Variants in SMARCD3 observed in about 807,000 individuals in gnomAD.
SMARCD3 encodes the protein SWI/SNF-related matrix-associated actin-dependent regulator of chromatin subfamily D member 3.
In SMARCD3, 14 loss-of-function variants were observed where a neutral mutation model predicts 58.0. The ratio of observed to expected loss-of-function variants is 0.24; its 90% confidence interval spans 0.16 to 0.38. The LOEUF is 0.38. Among genes scored for constraint, SMARCD3 ranks in the 10% least tolerant of loss-of-function variants. The pLI is 1.00. For synonymous variants in SMARCD3, 253 were observed against 253.8 expected (o/e 1.00, Z 0.03); for missense variants, 408 against 636.9 (o/e 0.64, Z 3.87).
Position 151,239,863 on chromosome 7 carries a change from C to A in SMARCD3, c.1174-117G>T. On this transcript the variant is annotated intron_variant, in intron 10 of 12. Transcript: ENST00000262188. The surrounding 1 kb of genome is among the most constrained non-coding windows in gnomAD (Gnocchi z 7.0). ...GTTTCTTCTGTGAAGGACAACCCCT[C>A]AGAGCCCCTGATTTCTCTGAAGTCC... 1 of 1,154,188 alleles carries A rather than the reference C, an allele frequency of 8.7e-7. No homozygotes were observed. The highest frequency in any genetic ancestry group is 1.2e-6 in the Non-Finnish European group (1 of 805,666). 71.5% of individuals were successfully genotyped at this position (1,154,188 alleles called of 1,614,324 possible).
Position 151,263,753 on chromosome 7 carries a change from G to A in SMARCD3, c.39+11361C>T, listed in dbSNP as rs553237772. On this transcript the variant is annotated intron_variant, in intron 2 of 13. Coordinates refer to the SMARCD3 transcript ENST00000356800. ...GCACCATCTTTCTTCTGCACTGATC[G>A]TCCCATTTCTCCATTCTGTCTCTCT... 7.2e-5 allele frequency among the ~76,000 whole-genome samples: 11 copies of A among 152,222 alleles called. No homozygotes were observed. In the South Asian group the frequency reaches 1.2e-3, roughly 17 times the overall value.
In SMARCD3 at chr7:151,239,586, G is replaced by T; in HGVS notation, c.1296+38C>A. On this transcript the variant is annotated intron_variant, in intron 11 of 12. Transcript: ENST00000262188. The surrounding 1 kb of genome is among the most constrained non-coding windows in gnomAD (Gnocchi z 7.0). ...GTTTACTCTCTTTCCCGCTGTGCTT[G>T]TCTTCCACTCCAGTACTCCCTGAGT... 1 of 1,613,720 alleles carries T rather than the reference G, an allele frequency of 6.2e-7. No homozygotes were observed. The highest frequency in any genetic ancestry group is 8.5e-7 in the Non-Finnish European group (1 of 1,179,714).
rs1870238 is a variant in SMARCD3, at chr7:151,238,966, C to T, written c.*137G>A. ...CCCTCCCCAGTTTCCAATGACCACA[C>T]GGCTGCTGTCAGATGAATGACTTTT... On this transcript the variant is annotated 3_prime_UTR_variant, in exon 13 of 13. Coordinates refer to ENST00000262188, the MANE Select transcript of SMARCD3 (RefSeq NM_001003801.2). The T allele has an allele frequency of 2.1e-5, 22 of 1,059,572 alleles. No individual in the cohort carries two copies. The highest frequency in any genetic ancestry group is 9.4e-5 in the South Asian group (7 of 74,402). The allele number at this position is 1,059,572 out of a possible 1,614,324, so 65.6% of individuals were successfully genotyped here.
upstream of SMARCD3, among the ~76,000 whole-genome samples, chr7:151,251,242 C>T (rs947098534): frequency 6.6e-6 from 1 of 152,084 alleles, no homozygotes; most frequent in Non-Finnish European, 1.5e-5. Context: ...CATAAGCGCT[C>T]TCCTGAGCCA....
At chr7:151,261,748 G>T (rs1179198486) in intron 2 of SMARCD3, among the ~76,000 whole-genome samples, 1 of 152,250 alleles carries the variant, frequency 6.6e-6, no homozygotes, top group Non-Finnish European at 1.5e-5. Flanking sequence ...GTGGGGCGCA[G>T]TGGAACCAGG....
chr7:151,272,125 T>C (rs1480458925), intron 2 of SMARCD3, among the ~76,000 whole-genome samples: 1 of 152,190 alleles, frequency 6.6e-6, no homozygotes, highest in Non-Finnish European at 1.5e-5. Context: ...GTTGAGAACA[T>C]TGCATAACTT....
chr7:151,253,354 C>T (rs1160081808), upstream of SMARCD3, among the ~76,000 whole-genome samples: 1 of 152,184 alleles, frequency 6.6e-6, no homozygotes, highest in African/African-American at 2.4e-5. Context: ...GCCCCTGTCA[C>T]GCACACCTGG....
chr7:151,269,176 G>T (rs1006099152), intron 2 of SMARCD3, among the ~76,000 whole-genome samples: 24 of 152,242 alleles, frequency 1.6e-4, no homozygotes, highest in African/African-American at 5.8e-4. Flanking sequence ...TGAAGGGGGA[G>T]TTAGAAGGGA....
intron 2 of SMARCD3, among the ~76,000 whole-genome samples, chr7:151,258,206 C>T (rs979431616): frequency 1.3e-5 from 2 of 152,138 alleles, no homozygotes; most frequent in African/African-American, 4.8e-5. Flanking sequence ...ACCACAGCTA[C>T]TGGGTAGCCT....
upstream of SMARCD3, among the ~76,000 whole-genome samples, chr7:151,253,272 G>A (rs1415089224): frequency 2.0e-5 from 3 of 151,984 alleles, no homozygotes; most frequent in African/African-American, 7.3e-5. Context: ...CCTCTATGGG[G>A]TCCTCAGGGA....
intron 2 of SMARCD3, among the ~76,000 whole-genome samples, chr7:151,266,668 G>A (rs1336637911): frequency 6.6e-6 from 1 of 152,190 alleles, no homozygotes; most frequent in Non-Finnish European, 1.5e-5. Flanking sequence ...CAATGTGCTA[G>A]TGTGTCATGT....
Position 151,243,802 on chromosome 7 carries a change from G to GT in SMARCD3, c.291-102_291-101insA. 2.3e-6 allele frequency: 2 copies of GT among 878,368 alleles called. No homozygotes were observed. The highest frequency in any genetic ancestry group is 3.9e-6 in the Non-Finnish European group (2 of 512,328). The allele number at this position is 878,368 out of a possible 1,614,324, so 54.4% of individuals were successfully genotyped here. A position where few individuals can be genotyped will look rare whatever the true frequency, so the allele number is the denominator to read the frequency against. The stretch of plus-strand genomic sequence containing the variant: ...TCCCGACATCTCCGCCCGCCTGGCT[G>GT]GGGTTCCCACAGCCCACTTGTCTGC... On this transcript the variant is annotated intron_variant, in intron 2 of 12. Transcript: ENST00000262188. The surrounding 1 kb of genome is among the most constrained non-coding windows in gnomAD (Gnocchi z 4.4).
At chr7:151,252,106 G>A (rs1803538942), upstream of SMARCD3, among the ~76,000 whole-genome samples, 1 of 152,112 alleles carries the variant, frequency 6.6e-6, no homozygotes, top group South Asian at 2.1e-4. Flanking sequence ...GCGGGAAGAT[G>A]GCCACCTAGG....
rs1264380576 is a variant in SMARCD3, at chr7:151,241,089, AG to A, written c.939+402del. 6.8e-3 allele frequency: 1,842 copies of A among 272,578 alleles called. 45 individuals are homozygous for A. Among genetic ancestry groups the A allele is most frequent in the African/African-American group, 0.038 (1,725 of 45,736 alleles). 16.9% of individuals were successfully genotyped at this position (272,578 alleles called of 1,614,324 possible). ...AATTTGATTTTCCTAACTGCCCAGG[AG>A]AGTAGATAGGACAGGTATTGTCACT... On this transcript the variant is annotated intron_variant, in intron 8 of 12. Transcript: ENST00000262188. The surrounding 1 kb of genome is among the most constrained non-coding windows in gnomAD (Gnocchi z 5.3).
chr7:151,268,040 C>A (rs1435239744), intron 2 of SMARCD3, among the ~76,000 whole-genome samples: 1 of 152,052 alleles, frequency 6.6e-6, no homozygotes, highest in East Asian at 1.9e-4. Context: ...AACTGGGGGC[C>A]CTGAGTTCTC....
At chr7:151,252,912 T>C (rs577659347), upstream of SMARCD3, among the ~76,000 whole-genome samples, 4 of 152,294 alleles carry the variant, frequency 2.6e-5, no homozygotes, top group South Asian at 8.3e-4. Context: ...TCTGTGTCAC[T>C]TTTGCAAACA....
In SMARCD3 at chr7:151,239,000, C is replaced by T. The variant is rs1376477991; in HGVS notation, c.*103G>A. On this transcript the variant is annotated 3_prime_UTR_variant, in exon 13 of 13. Transcript: ENST00000262188. ...TCAGATGAATGACTTTTAATCCAGC[C>T]CCACACCCCAAGGTGGCAGAGGAGT... The T allele has an allele frequency of 5.6e-6, 7 of 1,256,404 alleles. No homozygotes were observed. The highest frequency in any genetic ancestry group is 3.4e-5 in the Admixed American group (2 of 59,264). 77.8% of individuals were successfully genotyped at this position (1,256,404 alleles called of 1,614,324 possible).
intron 9 of SMARCD3, 52 bp downstream of exon 9, chr7:151,240,373 G>A: frequency 1.9e-6 from 3 of 1,579,520 alleles, no homozygotes; most frequent in Admixed American, 1.7e-5. Flanking sequence ...GGGCAGGGAA[G>A]GCAGGAACGA....
At position 151,239,512 on chromosome 7, in the gene SMARCD3, G is replaced by C; in HGVS notation, c.1297-15C>G. 6.2e-7 allele frequency: 1 copy of C among 1,611,392 alleles called. No individual in the cohort carries two copies. The highest frequency in any genetic ancestry group is 8.5e-7 in the Non-Finnish European group (1 of 1,177,896). On this transcript the variant is annotated splice_polypyrimidine_tract_variant and intron_variant, in intron 11 of 12. Coordinates refer to ENST00000262188, the MANE Select transcript of SMARCD3 (RefSeq NM_001003801.2). This position sits in a 1 kb window ranked among gnomAD's most constrained non-coding sequence, Gnocchi z 7.0. ...TCTGTCATCACCTGGGAGGGAGCGT[G>C]GGGTGAGCCCTGAGCCCTGAATCCC...
Sources: gnomAD v4.1 joint callset for allele counts (sites outside exome capture counted in the v4.1 genomes callset) on GRCh38, gnomAD v4.1.1 for gene constraint, Gnocchi (gnomAD v3.1) non-coding constraint, MANE v1.5 for transcripts, NCBI Gene and HGNC (gene_info 2026-07-23, HGNC 2026-07-21) for gene names.